Variants in RAB40C observed in about 807,000 individuals in gnomAD.
The protein encoded by RAB40C is ras-related protein Rab-40C.
In RAB40C, 8 loss-of-function variants were observed where a neutral mutation model predicts 28.1. That is an observed-to-expected ratio of 0.28 (90% CI 0.17 to 0.51). RAB40C has a LOEUF of 0.51. Ranked by LOEUF, RAB40C falls within the 20% of genes least tolerant of loss-of-function variation. The pLI, the probability that RAB40C is intolerant of heterozygous loss-of-function variation, is 0.97. For missense variants in RAB40C, 288 were observed against 405.9 expected, an observed-to-expected ratio of 0.71 and a Z score of 2.50; for synonymous variants, 201 against 171.7, an observed-to-expected ratio of 1.17 and a Z score of -1.34.
At position 590,220 on chromosome 16, in the gene RAB40C, G is replaced by GCTCTCTCACGCCGCGGC. The variant is rs2035959919; in HGVS notation, c.-68_-52dup. The stretch of plus-strand genomic sequence containing the variant: ...CAACGGGCGCAGGTGCGGGGCGCGG[G>GCTCTCTCACGCCGCGGC]CTCTCTCACGCCGCGGCCTCACCCG... On this transcript the variant is annotated 5_prime_UTR_variant, in exon 1 of 6. Transcript: ENST00000248139. 2.6e-6 allele frequency: 3 copies of GCTCTCTCACGCCGCGGC among 1,165,520 alleles called. No individual in the cohort carries two copies. Among genetic ancestry groups the GCTCTCTCACGCCGCGGC allele is most frequent in the Non-Finnish European group, 3.2e-6 (3 of 931,580 alleles). 72.2% of individuals were successfully genotyped at this position (1,165,520 alleles called of 1,614,324 possible). A position where few individuals can be genotyped will look rare whatever the true frequency, so the allele number is the denominator to read the frequency against.
chr16:615,267 C>T (rs900438137), intron 1 of RAB40C, among the ~76,000 whole-genome samples: 4 of 152,042 alleles, frequency 2.6e-5, no homozygotes, highest in Non-Finnish European at 5.9e-5. Context: ...GGCAGAAGGA[C>T]GGTGTGGGTG....
chr16:614,356 A>G (rs1347606742), intron 1 of RAB40C, among the ~76,000 whole-genome samples: 1 of 111,484 alleles, frequency 9.0e-6, no homozygotes, highest in Non-Finnish European at 1.9e-5. Flanking sequence ...CCGATGGTGA[A>G]CTGCCAAACT....
At chr16:614,880 C>G (rs1189739434) in intron 1 of RAB40C, among the ~76,000 whole-genome samples, 2 of 152,054 alleles carry the variant, frequency 1.3e-5, no homozygotes, top group East Asian at 3.9e-4. Flanking sequence ...AACTGCCAAA[C>G]TTTACCTCGT....
Position 590,413 on chromosome 16 carries a change from C to T in RAB40C, c.122C>T (p.Ser41Phe). The change falls in exon 1 of 6, where the codon TCC becomes TTC. Residue 41 changes from serine to phenylalanine, a missense_variant. Transcript: ENST00000248139. The stretch of plus-strand genomic sequence containing the variant: ...AGCCTGCAGGACGGCGCGGCAGAGT[C>T]CCCGTACGCCTACAGTAACGGTAAG... ...LESLQDGAAE[S>F]PYAYSNGIDY... 2 of 1,590,714 alleles carry T rather than the reference C, an allele frequency of 1.3e-6. No homozygotes were observed. Among genetic ancestry groups the T allele is most frequent in the Admixed American group, 1.7e-5 (1 of 58,076 alleles).
rs1353411124 is a variant in RAB40C, at chr16:625,487, G to A, written c.320G>A (p.Arg107His). ...CGCTGGTCCTTTGACGGCATCGACC[G>A]CTGGATCAAGGAGATCGATGAGGTA... ...TNRWSFDGID[R>H]WIKEIDEHAP... The change falls in exon 4 of 6, where the codon CGC becomes CAC. Residue 107 changes from arginine (R) to histidine (H), a missense_variant. By Grantham distance (29) the Arg-to-His change is conservative. This residue lies in a region of RAB40C where 153 missense variants were observed against 262.4 expected (regional missense o/e 0.58). Coordinates refer to ENST00000248139, the MANE Select transcript of RAB40C (RefSeq NM_021168.5). The A allele has an allele frequency of 1.9e-6, 3 of 1,613,332 alleles. No homozygotes were observed. The highest frequency in any genetic ancestry group is 1.7e-6 in the Non-Finnish European group (2 of 1,179,954).
chr16:620,731 G>A (rs1310248627), intron 3 of RAB40C, among the ~76,000 whole-genome samples: 3 of 69,216 alleles, frequency 4.3e-5, no homozygotes, highest in African/African-American at 6.6e-5. Flanking sequence ...GCCCCCCGCC[G>A]ACGGGCTCCA....
intron 1 of RAB40C, chr16:616,819 G>T (rs2036595192): frequency 9.3e-6 from 2 of 215,882 alleles, no homozygotes; most frequent in African/African-American, 4.6e-5. Flanking sequence ...TGGAGTCCAC[G>T]CCCTGCCTTT....
In RAB40C at chr16:628,562, C is replaced by CG. The variant is rs1337639612; in HGVS notation, c.*941dup. The CG allele has an allele frequency of 1.3e-5, 2 of 152,322 alleles. No homozygotes were observed. Among genetic ancestry groups the CG allele is most frequent in the Admixed American group, 1.3e-4 (2 of 15,288 alleles). 9.4% of individuals were successfully genotyped at this position (152,322 alleles called of 1,614,324 possible). On this transcript the variant is annotated 3_prime_UTR_variant, in exon 6 of 6. Transcript: ENST00000248139. ...AGAACCATCCTGACCTTCTTAGGGACGTGCCTGGAACCACCTCGTCCACGT... is the reference window on the plus strand; with the variant it reads ...AGAACCATCCTGACCTTCTTAGGGACGGTGCCTGGAACCACCTCGTCCACGT...
intron 3 of RAB40C, chr16:624,620 G>A (rs773772464): frequency 1.8e-5 from 18 of 985,234 alleles, no homozygotes; most frequent in African/African-American, 8.7e-5. Context: ...TCAGCCTCTT[G>A]TGTGATAGGC....
chr16:603,449 C>T (rs1047005854), intron 1 of RAB40C, among the ~76,000 whole-genome samples: 1 of 152,130 alleles, frequency 6.6e-6, no homozygotes, highest in Non-Finnish European at 1.5e-5. Context: ...GCGCCGGCCC[C>T]GCACGTGAAT....
At position 601,214 on chromosome 16, in the gene RAB40C, A is replaced by AT. The variant is rs527600536; in HGVS notation, c.142+10787dup. Among the ~76,000 whole-genome samples, 222 of 152,248 alleles carry AT rather than the reference A, an allele frequency of 1.5e-3. 2 individuals are homozygous for AT. The highest frequency in any genetic ancestry group is 5.2e-3 in the African/African-American group (216 of 41,552). ...AAAAATTGTAGTACCAAAAACTATG[A>AT]TTTTTTGTGTGTTATCCACACCATC... On this transcript the variant is annotated intron_variant, in intron 1 of 5. Transcript: ENST00000248139.
At chr16:596,923 G>A (rs1008569972) in intron 1 of RAB40C, among the ~76,000 whole-genome samples, 2 of 152,190 alleles carry the variant, frequency 1.3e-5, no homozygotes, top group African/African-American at 2.4e-5. Context: ...GGCAGTGCGC[G>A]GCTGTCTCGT....
chr16:604,106 T>G (rs935542438), intron 1 of RAB40C, among the ~76,000 whole-genome samples: 6 of 150,250 alleles, frequency 4.0e-5, no homozygotes, highest in African/African-American at 1.5e-4. Flanking sequence ...CCAGCTGGAG[T>G]GCAGTGGTAT....
intron 4 of RAB40C, 39 bp downstream of exon 4, chr16:625,548 G>C (rs1327150245): frequency 1.9e-6 from 3 of 1,595,950 alleles, no homozygotes; most frequent in Non-Finnish European, 2.6e-6. Context: ...GGGAAGGCAG[G>C]CTGGATGGAG....
chr16:590,621 G>T (rs1365588099), intron 1 of RAB40C, among the ~76,000 whole-genome samples, 188 bp downstream of exon 1: 7 of 152,232 alleles, frequency 4.6e-5, no homozygotes. Context: ...GGTGACGCCG[G>T]GGGGCAGGAG....
Position 627,653 on chromosome 16 carries a change from C to T in RAB40C, c.*31C>T, listed in dbSNP as rs745503618. ...ATGGGCGGGGCCGCCTGTGCAGATG[C>T]CAGGAGGGCTCGAGCTGGACACTCC... On this transcript the variant is annotated 3_prime_UTR_variant, in exon 6 of 6. Coordinates refer to ENST00000248139, the MANE Select transcript of RAB40C (RefSeq NM_021168.5). 1 of 1,543,136 alleles carries T rather than the reference C, an allele frequency of 6.5e-7. No homozygotes were observed. Among genetic ancestry groups the T allele is most frequent in the Non-Finnish European group, 8.7e-7 (1 of 1,143,092 alleles).
At chr16:609,303 A>AT (rs2036432649) in intron 1 of RAB40C, among the ~76,000 whole-genome samples, 1 of 151,972 alleles carries the variant, frequency 6.6e-6, no homozygotes, top group Non-Finnish European at 1.5e-5. Flanking sequence ...CTCTGGGAAA[A>AT]TTGAGTCGTG....
At chr16:621,938 C>T (rs1282986870) in intron 3 of RAB40C, among the ~76,000 whole-genome samples, 8 of 152,194 alleles carry the variant, frequency 5.3e-5, no homozygotes, top group South Asian at 2.1e-4. Flanking sequence ...TGTGAGTGGG[C>T]GCGGCTTGGC....
rs1297567968 is a variant in RAB40C at position 627,332 on chromosome 16, T to G, written c.566-10T>G. On this transcript the variant is annotated splice_polypyrimidine_tract_variant and intron_variant, in intron 5 of 5. Coordinates refer to ENST00000248139, the MANE Select transcript of RAB40C (RefSeq NM_021168.5). ...CAGCCCCATGGTCTGACACCCCCTC[T>G]GCCCCACAGTGTTCAGCCTGCAGGA... 1 of 1,608,764 alleles carries G rather than the reference T, an allele frequency of 6.2e-7. No homozygotes were observed. Among genetic ancestry groups the G allele is most frequent in the South Asian group, 1.1e-5 (1 of 90,514 alleles).
Sources: gnomAD v4.1 joint callset for allele counts (sites outside exome capture counted in the v4.1 genomes callset) on GRCh38, gnomAD v4.1.1 for gene constraint, gnomAD v4.1.1 regional missense constraint, MANE v1.5 for transcripts, NCBI Gene and HGNC (gene_info 2026-07-23, HGNC 2026-07-21) for gene names.